TRAK1: variants seen among roughly 807,000 people sequenced by gnomAD.
The protein encoded by TRAK1 is trafficking kinesin protein 1, also known as trafficking kinesin-binding protein 1.
TRAK1 carries 33 observed loss-of-function variants against 92.1 expected under a neutral mutation model. The ratio of observed to expected loss-of-function variants is 0.36; its 90% confidence interval spans 0.27 to 0.48. The LOEUF (loss-of-function observed/expected upper bound fraction) is 0.48, where lower values mean the gene tolerates loss of function less well. TRAK1 is among the 20% of genes least tolerant of loss of function. TRAK1 has a pLI of 0.99. For synonymous variants in TRAK1, 521 were observed against 517.3 expected (o/e 1.01, Z -0.10); for missense variants, 1,123 against 1,257.9 (o/e 0.89, Z 1.62).
chr3:42,129,450 G>A (rs1696915037), intron 2 of TRAK1, among the ~76,000 whole-genome samples: 1 of 152,078 alleles, frequency 6.6e-6, no homozygotes. Context: ...GAGAAACGCG[G>A]CTTTACCTTT....
intron 1 of TRAK1, among the ~76,000 whole-genome samples, chr3:42,077,706 G>T (rs1274155916): frequency 6.6e-6 from 1 of 152,098 alleles, no homozygotes; most frequent in Non-Finnish European, 1.5e-5. Flanking sequence ...TTCTTTTTGT[G>T]GCTATTGTGA....
intron 13 of TRAK1, among the ~76,000 whole-genome samples, chr3:42,207,424 C>T (rs956124664): frequency 1.3e-5 from 2 of 152,142 alleles, no homozygotes; most frequent in Non-Finnish European, 2.9e-5. Context: ...TTCTTGTTCT[C>T]AGACCTGTGG....
At position 42,220,499 on chromosome 3, in the gene TRAK1, G is replaced by C. The variant is rs1000919425; in HGVS notation, c.2066+903G>C. On this transcript the variant is annotated intron_variant, in intron 15 of 15. Transcript: ENST00000327628. The stretch of plus-strand genomic sequence containing the variant: ...TTAAACTATGAATAATTCTCCGCAG[G>C]TCATGTGAGGAGGACGACGAAGCAG... 4 of 985,302 alleles carry C rather than the reference G, an allele frequency of 4.1e-6. No homozygotes were observed. The Admixed American group carries it at 2.5e-4, about 61-fold the overall frequency. 61.0% of individuals were successfully genotyped at this position (985,302 alleles called of 1,614,324 possible).
At chr3:42,115,680 T>G (rs1248527626) in intron 1 of TRAK1, among the ~76,000 whole-genome samples, 1 of 152,236 alleles carries the variant, frequency 6.6e-6, no homozygotes, top group African/African-American at 2.4e-5. Flanking sequence ...GAAGCATAGT[T>G]AGTCTTTCCT....
intron 14 of TRAK1, chr3:42,218,669 C>CCATA (rs1379836302): frequency 2.0e-6 from 2 of 985,228 alleles, no homozygotes; most frequent in African/African-American, 3.5e-5. Flanking sequence ...CTGCTGCAGA[C>CCATA]CATAGTCTTC....
intron 2 of TRAK1, among the ~76,000 whole-genome samples, chr3:42,168,723 C>T (rs185594493): frequency 1.7e-4 from 26 of 152,142 alleles, no homozygotes; most frequent in African/African-American, 5.5e-4. Context: ...ATAGGCATGC[C>T]ACCACATCTG....
chr3:42,033,055 T>C (rs1241673410), intron 1 of TRAK1, among the ~76,000 whole-genome samples: 4 of 152,348 alleles, frequency 2.6e-5, no homozygotes, highest in Admixed American at 2.6e-4. Context: ...AATATTTCGA[T>C]GTGTTTGTTC....
At chr3:42,062,875 G>A (rs367728392) in intron 1 of TRAK1, among the ~76,000 whole-genome samples, 3 of 152,170 alleles carry the variant, frequency 2.0e-5, no homozygotes, top group Admixed American at 6.5e-5. Flanking sequence ...CAGTGAAGGC[G>A]TGTTTGTCTT....
At position 42,128,623 on chromosome 3, in the gene TRAK1, C is replaced by A. The variant is rs78971120; in HGVS notation, c.286+3009C>A. Among the ~76,000 whole-genome samples the A allele has an allele frequency of 3.4e-3, 522 of 152,352 alleles. 2 individuals carry two copies. Among genetic ancestry groups the A allele is most frequent in the African/African-American group, 0.012 (481 of 41,580 alleles). ...TACTTTTATTTTTATTAACTTCTAA[C>A]TGAAATGCAGCATTTCCTTTAGTTA... On this transcript the variant is annotated intron_variant, in intron 2 of 15. Transcript: ENST00000327628.
rs540092242 is a variant in TRAK1, at chr3:42,171,118, A to C, written c.287-5696A>C. Among the ~76,000 whole-genome samples the C allele has an allele frequency of 4.6e-5, 7 of 152,132 alleles. No individual in the cohort carries two copies. In the South Asian group the frequency reaches 1.5e-3, roughly 32 times the overall value. ...GCGTGAGCCACCGCGCGTGGCCCTGAATATCTTTTCTACCCGTTGCTACTT... is the reference window on the plus strand; with the variant it reads ...GCGTGAGCCACCGCGCGTGGCCCTGCATATCTTTTCTACCCGTTGCTACTT... On this transcript the variant is annotated intron_variant, in intron 2 of 15. Coordinates refer to ENST00000327628, the MANE Select transcript of TRAK1 (RefSeq NM_001042646.3).
chr3:42,148,121 A>G (rs1699548260), intron 2 of TRAK1, among the ~76,000 whole-genome samples: 1 of 152,184 alleles, frequency 6.6e-6, no homozygotes, highest in African/African-American at 2.4e-5. Flanking sequence ...AATGAAGTAA[A>G]TAAGTAGTTT....
chr3:42,026,249 A>G (rs1402391076), intron 1 of TRAK1, among the ~76,000 whole-genome samples: 1 of 152,214 alleles, frequency 6.6e-6, no homozygotes, highest in African/African-American at 2.4e-5. Context: ...CATTTCATAG[A>G]AAGTATAAGA....
At chr3:42,162,137 T>C (rs1457482376) in intron 2 of TRAK1, among the ~76,000 whole-genome samples, 3 of 152,162 alleles carry the variant, frequency 2.0e-5, no homozygotes, top group Non-Finnish European at 4.4e-5. Flanking sequence ...AGCAAGATTT[T>C]AAAAATACCA....
intron 2 of TRAK1, among the ~76,000 whole-genome samples, chr3:42,152,256 A>G (rs1375826497): frequency 6.6e-6 from 1 of 152,222 alleles, no homozygotes; most frequent in Non-Finnish European, 1.5e-5. Flanking sequence ...GGGGCTTATA[A>G]TAATAAGACA....
chr3:42,084,459 G>T (rs1239859281), upstream of TRAK1, among the ~76,000 whole-genome samples: 1 of 152,220 alleles, frequency 6.6e-6, no homozygotes, highest in Non-Finnish European at 1.5e-5. Context: ...TGTGTGAATT[G>T]TAAAGAGTAC....
At chr3:42,023,885 C>T (rs1364920788) in intron 1 of TRAK1, among the ~76,000 whole-genome samples, 1 of 149,942 alleles carries the variant, frequency 6.7e-6, no homozygotes, top group Non-Finnish European at 1.5e-5. Context: ...TCCCGAGTAT[C>T]TGGGGATTAC....
chr3:42,202,541 G>A lies in TRAK1; in HGVS notation c.1533G>A (p.Ser511=), dbSNP rs201849317. Residue 511 remains serine, a synonymous_variant, in exon 13 of 16, where the codon TCG becomes TCA. Coordinates refer to ENST00000327628, the MANE Select transcript of TRAK1 (RefSeq NM_001042646.3). The surrounding 1 kb of genome is among the most constrained non-coding windows in gnomAD (Gnocchi z 6.1). ...CCCTGCGCCGGGAGAACTACCTCTC[G>A]GAGAGGAGGTTCTTTGAGGAGGAGC... ...RLSLRRENYL[S]ERRFFEEEQE... The A allele has an allele frequency of 4.1e-5, 65 of 1,569,182 alleles. No individual in the cohort carries two copies. In the Admixed American group the frequency reaches 4.2e-4, roughly 10 times the overall value.
chr3:42,168,098 G>A (rs1279958792), intron 2 of TRAK1, among the ~76,000 whole-genome samples: 1 of 152,116 alleles, frequency 6.6e-6, no homozygotes, highest in African/African-American at 2.4e-5. Flanking sequence ...TCTCAGTTAT[G>A]GCTGTATCAT....
chr3:42,160,793 A>G (rs1455962258), intron 2 of TRAK1, among the ~76,000 whole-genome samples: 1 of 152,172 alleles, frequency 6.6e-6, no homozygotes, highest in Non-Finnish European at 1.5e-5. Flanking sequence ...GGAATCAAAC[A>G]GGGTGTATTC....
Sources: gnomAD v4.1 joint callset for allele counts (sites outside exome capture counted in the v4.1 genomes callset) on GRCh38, gnomAD v4.1.1 for gene constraint, Gnocchi (gnomAD v3.1) non-coding constraint, MANE v1.5 for transcripts, NCBI Gene and HGNC (gene_info 2026-07-23, HGNC 2026-07-21) for gene names.